The following MOB3B variants were observed in gnomAD, a reference collection of about 807,000 sequenced individuals.
MOB3B encodes the protein MOB kinase activator 3B, also known as MOB kinase activator-like 2B.
MOB3B carries 7 observed loss-of-function variants against 18.7 expected under a neutral mutation model. That is an observed-to-expected ratio of 0.37 (90% confidence interval 0.21 to 0.70). The LOEUF (loss-of-function observed/expected upper bound fraction) is 0.70. MOB3B is among the 30% of genes least tolerant of loss of function. The pLI is 0.52. For synonymous variants in MOB3B, 111 were observed against 99.9 expected (o/e 1.11, Z -0.66); for missense variants, 253 against 281.3 (o/e 0.90, Z 0.72).
intron 3 of MOB3B, among the ~76,000 whole-genome samples, chr9:27,335,470 T>TA (rs1655657955): frequency 6.6e-6 from 1 of 152,226 alleles, no homozygotes; most frequent in African/African-American, 2.4e-5. Flanking sequence ...AGAGCTGGCT[T>TA]GATGTGCTGC....
At chr9:27,441,269 T>C (rs997624901) in intron 2 of MOB3B, among the ~76,000 whole-genome samples, 1 of 129,292 alleles carries the variant, frequency 7.7e-6, no homozygotes, top group Admixed American at 7.3e-5. Flanking sequence ...TACTTCACAA[T>C]TTCACAGGCA....
intron 2 of MOB3B, among the ~76,000 whole-genome samples, chr9:27,399,674 G>C (rs1231600843): frequency 6.6e-6 from 1 of 152,194 alleles, no homozygotes; most frequent in Non-Finnish European, 1.5e-5. Flanking sequence ...CTGAAGGACA[G>C]AGTGATATAA....
At chr9:27,494,961 G>A (rs1271071169) in intron 1 of MOB3B, among the ~76,000 whole-genome samples, 2 of 152,194 alleles carry the variant, frequency 1.3e-5, no homozygotes, top group Non-Finnish European at 2.9e-5. Flanking sequence ...GTAGTGAACT[G>A]CTGGTGATGC....
At position 27,455,284 on chromosome 9, in the gene MOB3B, C is replaced by A; in HGVS notation, c.267G>T (p.Val89=). ...ACTCATATTTGGGGCCCCCTGACAT[C>A]ACAGGACAGGTCCGCTCGGTGCAGA... The part of the protein sequence containing the change: ...CEFCTERTCP[V]MSGGPKYEYR... The change falls in exon 2 of 4, where the codon GTG becomes GTT. Residue 89 remains valine, a synonymous_variant. Transcript: ENST00000262244. The A allele has an allele frequency of 6.2e-7, 1 of 1,614,088 alleles. No homozygotes were observed. The highest frequency in any genetic ancestry group is 1.1e-5 in the South Asian group (1 of 91,062).
rs200116186 is a variant in MOB3B at position 27,444,782 on chromosome 9, T to C, written c.418+10351A>G. ...CCTCATTTGAAAATAGGGATAATAA[T>C]AATGATGGTTAACCAGGACTGCTGT... On this transcript the variant is annotated intron_variant, in intron 2 of 3. Coordinates refer to ENST00000262244, the MANE Select transcript of MOB3B (RefSeq NM_024761.5). Among the ~76,000 whole-genome samples the C allele has an allele frequency of 7.9e-5, 12 of 152,262 alleles. No individual in the cohort carries two copies. The East Asian group carries it at 2.3e-3, about 29-fold the overall frequency.
chr9:27,396,197 A>G (rs935908909), intron 2 of MOB3B, among the ~76,000 whole-genome samples: 1 of 152,170 alleles, frequency 6.6e-6, no homozygotes, highest in African/African-American at 2.4e-5. Context: ...CTTTTGCTTC[A>G]AACAGATGTA....
intron 1 of MOB3B, among the ~76,000 whole-genome samples, chr9:27,489,601 A>C (rs534034646): frequency 6.6e-6 from 1 of 152,310 alleles, no homozygotes; most frequent in South Asian, 2.1e-4. Flanking sequence ...CCCTAATCGG[A>C]AGATAAAGGC....
At chr9:27,380,968 T>C (rs540557632) in intron 2 of MOB3B, among the ~76,000 whole-genome samples, 54 of 152,292 alleles carry the variant, frequency 3.5e-4, no homozygotes, top group Admixed American at 5.9e-4. Context: ...CTAGAAATCA[T>C]CTGGGGAACA....
At chr9:27,401,562 T>C (rs780305967) in intron 2 of MOB3B, among the ~76,000 whole-genome samples, 3 of 152,144 alleles carry the variant, frequency 2.0e-5, no homozygotes, top group Non-Finnish European at 2.9e-5. Flanking sequence ...ACTCCACAGG[T>C]ATATTACCCC....
At chr9:27,332,212 C>G (rs1226350215) in intron 3 of MOB3B, among the ~76,000 whole-genome samples, 1 of 152,118 alleles carries the variant, frequency 6.6e-6, no homozygotes, top group Non-Finnish European at 1.5e-5. Flanking sequence ...TGGTTGGTCT[C>G]AGACTCCTGA....
intron 1 of MOB3B, among the ~76,000 whole-genome samples, chr9:27,497,534 G>T (rs1422881861): frequency 1.3e-5 from 2 of 151,800 alleles, no homozygotes; most frequent in African/African-American, 2.4e-5. Flanking sequence ...TGACTGTAAA[G>T]AAATAAACTC....
intron 2 of MOB3B, among the ~76,000 whole-genome samples, chr9:27,429,641 T>C (rs1221982000): frequency 2.0e-5 from 3 of 152,270 alleles, no homozygotes; most frequent in Middle Eastern, 3.4e-3. Flanking sequence ...GGCTGGGCAC[T>C]GGAGACTGAG....
chr9:27,408,848 T>C (rs1029549545), intron 2 of MOB3B, among the ~76,000 whole-genome samples: 1 of 152,224 alleles, frequency 6.6e-6, no homozygotes, highest in African/African-American at 2.4e-5. Flanking sequence ...GCATGAAAGC[T>C]GCCCCAGATC....
intron 1 of MOB3B, among the ~76,000 whole-genome samples, chr9:27,493,857 G>C (rs1819858704): frequency 6.6e-6 from 1 of 152,150 alleles, no homozygotes; most frequent in Non-Finnish European, 1.5e-5. Context: ...CAGGATAACA[G>C]CAATGTTTAG....
At chr9:27,340,179 G>A (rs1439203447) in intron 3 of MOB3B, among the ~76,000 whole-genome samples, 6 of 152,180 alleles carry the variant, frequency 3.9e-5, no homozygotes, top group African/African-American at 7.2e-5. Context: ...CACGGAGGGC[G>A]TTTCCACGAT....
chr9:27,372,711 G>A (rs994674714), intron 2 of MOB3B, among the ~76,000 whole-genome samples: 1 of 152,158 alleles, frequency 6.6e-6, no homozygotes, highest in African/African-American at 2.4e-5. Flanking sequence ...ACATCTGACT[G>A]GTAGTCCTCA....
chr9:27,398,625 T>C (rs1228938318), intron 2 of MOB3B, among the ~76,000 whole-genome samples: 1 of 152,056 alleles, frequency 6.6e-6, no homozygotes, highest in Non-Finnish European at 1.5e-5. Flanking sequence ...AAGAGCTGAG[T>C]AGAAAAGCAA....
chr9:27,348,181 G>T (rs1055075772), intron 3 of MOB3B, among the ~76,000 whole-genome samples: 5 of 152,148 alleles, frequency 3.3e-5, no homozygotes, highest in African/African-American at 1.2e-4. Flanking sequence ...GATTTCTTAA[G>T]CAATGAGCAC....
intron 3 of MOB3B, among the ~76,000 whole-genome samples, chr9:27,354,899 C>T (rs1821164017): frequency 6.6e-6 from 1 of 152,188 alleles, no homozygotes; most frequent in Non-Finnish European, 1.5e-5. Context: ...CTAACTACAG[C>T]CCAGCTACTG....
Sources: allele counts gnomAD v4.1 joint callset (sites outside exome capture counted in the v4.1 genomes callset), GRCh38; gene constraint gnomAD v4.1.1; transcripts MANE v1.5; gene names NCBI Gene and HGNC (gene_info 2026-07-23, HGNC 2026-07-21).